Variants in PTPRN2 observed in about 807,000 individuals in gnomAD.
PTPRN2 encodes the protein protein tyrosine phosphatase receptor type N2.
In PTPRN2, 74 loss-of-function variants were observed where a neutral mutation model predicts 118.8. The observed-to-expected ratio is 0.62, with a 90% confidence interval of 0.52 to 0.76. The LOEUF (loss-of-function observed/expected upper bound fraction) is 0.76. Ranked by LOEUF, PTPRN2 falls within the 30% of genes least tolerant of loss-of-function variation. The probability of loss-of-function intolerance (pLI) is 0.00; values close to 1 mark genes in which losing one functional copy is unlikely to be tolerated. For synonymous variants in PTPRN2, 641 were observed against 608.0 expected (o/e 1.05, Z -0.80); for missense variants, 1,481 against 1,394.4 (o/e 1.06, Z -0.99).
At position 157,987,161 on chromosome 7, in the gene PTPRN2, G is replaced by A. The variant is rs1407824282; in HGVS notation, c.1724-88424C>T. ...CCCAGCACGCCGCCCACGCTTGGTC[G>A]GCAACACAGAGATTCCATTTCTTCC... On this transcript the variant is annotated intron_variant, in intron 11 of 22. Coordinates refer to ENST00000389418, the MANE Select transcript of PTPRN2 (RefSeq NM_002847.5). The surrounding 1 kb of genome is among the most constrained non-coding windows in gnomAD (Gnocchi z 4.3). Among the ~76,000 whole-genome samples the A allele has an allele frequency of 2.0e-5, 3 of 152,142 alleles. No homozygotes were observed. Among genetic ancestry groups the A allele is most frequent in the Admixed American group, 1.3e-4 (2 of 15,282 alleles).
At chr7:158,092,032 A>G (rs1233960003) in intron 10 of PTPRN2, among the ~76,000 whole-genome samples, 3 of 89,922 alleles carry the variant, frequency 3.3e-5, no homozygotes, top group African/African-American at 4.5e-5. Flanking sequence ...GGGTAGAGAG[A>G]TGGGTGGGTG....
chr7:158,147,357 T>TGTCTTCCCCCTC (rs1563511228), intron 6 of PTPRN2, among the ~76,000 whole-genome samples: 3 of 54,776 alleles, frequency 5.5e-5, no homozygotes, highest in Non-Finnish European at 6.2e-5. Context: ...TCACGCCACG[T>TGTCTTCCCCCTC]ATCTTTCCCC....
chr7:157,999,292 A>C (rs1805038391), intron 11 of PTPRN2, among the ~76,000 whole-genome samples: 1 of 152,122 alleles, frequency 6.6e-6, no homozygotes, highest in African/African-American at 2.4e-5. Context: ...CATCTCCTTT[A>C]AATAAACAGC....
At chr7:158,168,850 A>G (rs1823266478) in intron 5 of PTPRN2, among the ~76,000 whole-genome samples, 1 of 152,202 alleles carries the variant, frequency 6.6e-6, no homozygotes, top group South Asian at 2.1e-4. Context: ...AAAAATGTGA[A>G]AAGTCCCCAC....
chr7:158,169,832 C>T (rs1236527624), intron 5 of PTPRN2, among the ~76,000 whole-genome samples: 3 of 151,658 alleles, frequency 2.0e-5, no homozygotes, highest in African/African-American at 7.3e-5. Context: ...ACTGGGATTA[C>T]AGGTGCCCTT....
intron 2 of PTPRN2, among the ~76,000 whole-genome samples, chr7:158,319,505 C>CT (rs1491131876): frequency 2.4e-4 from 6 of 25,402 alleles, no homozygotes; most frequent in East Asian, 1.1e-3. Context: ...CACACAGCCT[C>CT]CCCCCACACA....
chr7:158,120,375 G>A (rs1168521754), intron 9 of PTPRN2, among the ~76,000 whole-genome samples: 2 of 152,114 alleles, frequency 1.3e-5, no homozygotes, highest in Admixed American at 1.3e-4. Context: ...CAAGAAATTG[G>A]GAAGATGAAA....
chr7:157,875,032 GAC>G (rs751867845), intron 12 of PTPRN2, among the ~76,000 whole-genome samples: 45 of 150,804 alleles, frequency 3.0e-4, no homozygotes, highest in South Asian at 1.1e-3. Context: ...GACACACGCA[GAC>G]ACACACACGC....
At position 158,263,941 on chromosome 7, in the gene PTPRN2, C is replaced by T. The variant is rs113451674; in HGVS notation, c.277+52878G>A. Among the ~76,000 whole-genome samples the T allele has an allele frequency of 1.8e-3, 273 of 152,366 alleles. 1 individual carries two copies. Among genetic ancestry groups the T allele is most frequent in the African/African-American group, 6.2e-3 (258 of 41,588 alleles). On this transcript the variant is annotated intron_variant, in intron 3 of 22. Coordinates refer to ENST00000389418, the MANE Select transcript of PTPRN2 (RefSeq NM_002847.5). ...CACCCGCGTCACTCAGCAAACTCCA[C>T]GGTGATGTGGGCCAGCTGACCAACT...
chr7:157,958,950 TAAAG>T (rs2128807994), intron 11 of PTPRN2, among the ~76,000 whole-genome samples: 1 of 152,272 alleles, frequency 6.6e-6, no homozygotes, highest in East Asian at 1.9e-4. Context: ...AAAGCAGTCT[TAAAG>T]AAAACTGGAA....
chr7:158,392,692 G>A (rs1384677272), intron 2 of PTPRN2, among the ~76,000 whole-genome samples: 1 of 152,174 alleles, frequency 6.6e-6, no homozygotes, highest in Non-Finnish European at 1.5e-5. Context: ...ACAAAGCCGG[G>A]CCCTGGGTCC....
chr7:157,848,531 C>T (rs1653595165), intron 12 of PTPRN2, among the ~76,000 whole-genome samples: 1 of 152,266 alleles, frequency 6.6e-6, no homozygotes, highest in Non-Finnish European at 1.5e-5. Context: ...ATTTACGGAG[C>T]CCTCTCTCAT....
intron 3 of PTPRN2, among the ~76,000 whole-genome samples, chr7:158,241,456 G>A (rs6968106): frequency 0.58 from 87,688 of 152,042 alleles, 25,669 homozygotes; most frequent in Non-Finnish European, 0.64. Flanking sequence ...AAAGGTTGCA[G>A]TGAGCCAAGA....
chr7:157,906,897 T>G (rs1162359390), intron 11 of PTPRN2, among the ~76,000 whole-genome samples: 1 of 152,208 alleles, frequency 6.6e-6, no homozygotes, highest in Non-Finnish European at 1.5e-5. Flanking sequence ...TCTAAGCTTC[T>G]TTGGTTCTGG....
intron 2 of PTPRN2, among the ~76,000 whole-genome samples, chr7:158,372,441 C>A (rs1393589571): frequency 1.4e-5 from 2 of 147,770 alleles, no homozygotes; most frequent in Non-Finnish European, 3.0e-5. Flanking sequence ...CGAAGCTGGT[C>A]CCCCCAATGC....
rs912290187 is a variant in PTPRN2, at chr7:157,916,724, A to C, written c.1724-17987T>G. The stretch of plus-strand genomic sequence containing the variant: ...CAGTGCACGTCCCCTCCCCGGCTGA[A>C]GGTCCCCACCATGGCAGGGGCTGGC... On this transcript the variant is annotated intron_variant, in intron 11 of 22. Transcript: ENST00000389418. Among the ~76,000 whole-genome samples the C allele has an allele frequency of 4.0e-5, 6 of 151,110 alleles. No homozygotes were observed. The East Asian group carries it at 7.7e-4, about 19-fold the overall frequency.
At chr7:158,166,819 G>A (rs1310348853) in intron 6 of PTPRN2, 112 bp downstream of exon 6, 3 of 1,289,358 alleles carry the variant, frequency 2.3e-6, no homozygotes, top group South Asian at 2.3e-5. Flanking sequence ...CGTCCTCGGG[G>A]GAGTGCGGTG....
At chr7:158,149,476 A>G (rs934491886) in intron 6 of PTPRN2, among the ~76,000 whole-genome samples, 3 of 152,110 alleles carry the variant, frequency 2.0e-5, no homozygotes, top group Non-Finnish European at 2.9e-5. Flanking sequence ...TTAATCTCTA[A>G]CAAAGGCAAT....
intron 2 of PTPRN2, among the ~76,000 whole-genome samples, chr7:158,323,346 A>T (rs1044710021): frequency 2.0e-5 from 3 of 152,050 alleles, no homozygotes; most frequent in Non-Finnish European, 4.4e-5. Flanking sequence ...GGGGCCCCAC[A>T]TTTCAGAGTT....
Sources: allele counts gnomAD v4.1 joint callset (sites outside exome capture counted in the v4.1 genomes callset), GRCh38; gene constraint gnomAD v4.1.1; non-coding constraint Gnocchi (gnomAD v3.1); transcripts MANE v1.5; gene names NCBI Gene and HGNC (gene_info 2026-07-23, HGNC 2026-07-21).